The following FGF14 variants were observed in gnomAD, a reference collection of about 807,000 sequenced individuals.
FGF14 encodes fibroblast growth factor homologous factor 4.
In FGF14, 5 loss-of-function variants were observed where a neutral mutation model predicts 25.5. That is an observed-to-expected ratio of 0.20 (90% CI 0.10 to 0.41). The LOEUF is 0.41. FGF14 is among the 10% of genes least tolerant of loss of function. FGF14 has a pLI of 1.00. For synonymous variants in FGF14, 138 were observed against 118.3 expected (o/e 1.17, Z -1.08); for missense variants, 222 against 320.1 (o/e 0.69, Z 2.34).
intron 1 of FGF14, among the ~76,000 whole-genome samples, chr13:102,000,131 C>T (rs561531200): frequency 1.4e-4 from 21 of 151,940 alleles, no homozygotes; most frequent in Non-Finnish European, 2.8e-4. Context: ...CTGGCTAACA[C>T]GGTAAAACCC....
intron 1 of FGF14, among the ~76,000 whole-genome samples, chr13:102,358,675 C>A (rs963052421): frequency 2.0e-5 from 3 of 152,114 alleles, no homozygotes; most frequent in African/African-American, 7.2e-5. Flanking sequence ...CTGCATGGAC[C>A]ACAAAATACG....
chr13:101,963,156 G>A (rs2036970707), intron 1 of FGF14, among the ~76,000 whole-genome samples: 1 of 152,200 alleles, frequency 6.6e-6, no homozygotes, highest in African/African-American at 2.4e-5. Flanking sequence ...AAATACTTAA[G>A]GAGAGAATGA....
intron 1 of FGF14, chr13:102,394,434 C>G (rs530626283): frequency 6.6e-6 from 1 of 152,492 alleles, no homozygotes; most frequent in Non-Finnish European, 1.5e-5. Context: ...GCGAAGATCT[C>G]TGCCAGGGCA....
At chr13:102,273,849 G>A (rs983494250) in intron 1 of FGF14, among the ~76,000 whole-genome samples, 1 of 150,954 alleles carries the variant, frequency 6.6e-6, no homozygotes, top group African/African-American at 2.4e-5. Context: ...TGAGGTGGGA[G>A]AATTGCTTGA....
intron 1 of FGF14, among the ~76,000 whole-genome samples, chr13:102,238,668 A>C (rs576977088): frequency 1.3e-5 from 2 of 152,368 alleles, no homozygotes; most frequent in African/African-American, 4.8e-5. Flanking sequence ...GATTCAAAGT[A>C]TAGACAGTGA....
chr13:101,830,645 G>GAAA (rs1366685788), intron 3 of FGF14, among the ~76,000 whole-genome samples: 6 of 151,890 alleles, frequency 4.0e-5, no homozygotes, highest in Non-Finnish European at 5.9e-5. Context: ...TAATTTTTAG[G>GAAA]AAATTTCTAA....
rs774805942 is a variant in FGF14 at position 101,714,422 on chromosome 13, G to C, written c.*8409C>G. On this transcript the variant is annotated 3_prime_UTR_variant, in exon 5 of 5. Transcript: ENST00000376143. ...AGTTATAAGGTGATGGTGAGTAATAGCCTTTGTAATTTCAGGTTCTTGTCA... is the reference window on the plus strand; with the variant it reads ...AGTTATAAGGTGATGGTGAGTAATACCCTTTGTAATTTCAGGTTCTTGTCA... 9.2e-6 allele frequency: 13 copies of C among 1,420,750 alleles called. 1 individual carries two copies. In the South Asian group the frequency reaches 1.5e-4, roughly 16 times the overall value. The allele number at this position is 1,420,750 out of a possible 1,614,324, so 88.0% of individuals were successfully genotyped here.
intron 1 of FGF14, among the ~76,000 whole-genome samples, chr13:102,275,361 A>T (rs1394915027): frequency 1.3e-5 from 2 of 151,988 alleles, no homozygotes; most frequent in African/African-American, 2.4e-5. Flanking sequence ...CAAAAATATT[A>T]TCTAATGAAG....
rs2034920249 is a variant in FGF14, at chr13:101,720,743, T to TA, written c.*2087dup. On this transcript the variant is annotated 3_prime_UTR_variant, in exon 5 of 5. Coordinates refer to ENST00000376143, the MANE Select transcript of FGF14 (RefSeq NM_004115.4). ...TCTAATATATTTTAACTGTTCCTGT[T>TA]AAAAACAATAGGCTTCAAGATGACA... The TA allele has an allele frequency of 6.8e-6, 1 of 147,188 alleles. No homozygotes were observed. The highest frequency in any genetic ancestry group is 2.1e-4 in the South Asian group (1 of 4,830). The allele number at this position is 147,188 out of a possible 1,614,324, so 9.1% of individuals were successfully genotyped here.
At chr13:101,984,695 G>C (rs2038463784) in intron 1 of FGF14, among the ~76,000 whole-genome samples, 1 of 152,072 alleles carries the variant, frequency 6.6e-6, no homozygotes, top group African/African-American at 2.4e-5. Flanking sequence ...GCCTATTTAG[G>C]AGGCAGGTAG....
chr13:102,019,717 A>C (rs2040533795), intron 1 of FGF14, among the ~76,000 whole-genome samples: 1 of 152,196 alleles, frequency 6.6e-6, no homozygotes. Context: ...ATCTGTAATT[A>C]AATTCTCTTC....
At chr13:101,925,622 A>G (rs1398725720) in intron 1 of FGF14, among the ~76,000 whole-genome samples, 1 of 152,356 alleles carries the variant, frequency 6.6e-6, no homozygotes, top group Non-Finnish European at 1.5e-5. Context: ...ATAATTTTAA[A>G]TTAATGCCTT....
rs368563394 is a variant in FGF14, at chr13:102,211,313, C to T, written c.208+190158G>A. 2.1e-3 allele frequency among the ~76,000 whole-genome samples: 317 copies of T among 151,938 alleles called. 2 individuals are homozygous for T. The highest frequency in any genetic ancestry group is 7.3e-3 in the African/African-American group (301 of 41,416). ...TAATAATAATATGTGTGTGATTTAC[C>T]CCACTCTTATCTAAGAAAACATTTT... On this transcript the variant is annotated intron_variant, in intron 1 of 4. Transcript: ENST00000376131.
chr13:101,831,602 A>T lies in FGF14; in HGVS notation c.408+37123T>A, dbSNP rs76025536. Reference sequence around the variant, plus strand: ...GAAAGTGAATTTCCCCAGGAGAGACAAAATGGCTTTGTTGTCTCAAGAATT... The same window carrying T: ...GAAAGTGAATTTCCCCAGGAGAGACTAAATGGCTTTGTTGTCTCAAGAATT... On this transcript the variant is annotated intron_variant, in intron 3 of 4. Coordinates refer to ENST00000376143, the MANE Select transcript of FGF14 (RefSeq NM_004115.4). 2.4e-3 allele frequency among the ~76,000 whole-genome samples: 364 copies of T among 152,222 alleles called. 1 individual carries two copies. Among genetic ancestry groups the T allele is most frequent in the African/African-American group, 8.2e-3 (341 of 41,558 alleles).
At chr13:102,020,615 CAA>C (rs1332275363) in intron 1 of FGF14, among the ~76,000 whole-genome samples, 1 of 151,864 alleles carries the variant, frequency 6.6e-6, no homozygotes, top group Non-Finnish European at 1.5e-5. Flanking sequence ...AAATGTCAGA[CAA>C]AGAGTGGAAA....
intron 1 of FGF14, among the ~76,000 whole-genome samples, chr13:101,986,231 TA>T (rs2038571389): frequency 6.6e-6 from 1 of 152,140 alleles, no homozygotes; most frequent in African/African-American, 2.4e-5. Context: ...GGATTTTCCA[TA>T]ACACCAGTAG....
intron 3 of FGF14, among the ~76,000 whole-genome samples, chr13:101,791,005 G>A (rs530022981): frequency 6.6e-6 from 1 of 152,298 alleles, no homozygotes; most frequent in South Asian, 2.1e-4. Context: ...GTCAGATGAA[G>A]TAAAGAATTT....
At position 101,805,470 on chromosome 13, in the gene FGF14, G is replaced by T. The variant is rs930391484; in HGVS notation, c.408+63255C>A. Among the ~76,000 whole-genome samples, 11 of 152,206 alleles carry T rather than the reference G, an allele frequency of 7.2e-5. No homozygotes were observed. The East Asian group carries it at 2.1e-3, about 29-fold the overall frequency. ...GTGTTTCTGAGCTTCTCCCAGGTAAGAAATATAAACATTTTATCCAATGTC... is the reference window on the plus strand; with the variant it reads ...GTGTTTCTGAGCTTCTCCCAGGTAATAAATATAAACATTTTATCCAATGTC... On this transcript the variant is annotated intron_variant, in intron 3 of 4. Coordinates refer to ENST00000376143, the MANE Select transcript of FGF14 (RefSeq NM_004115.4).
chr13:102,108,326 G>A (rs1188029723), intron 1 of FGF14, among the ~76,000 whole-genome samples: 2 of 152,122 alleles, frequency 1.3e-5, no homozygotes, highest in Non-Finnish European at 2.9e-5. Context: ...TTACTTCTCA[G>A]TGATTTTCCC....
Sources: allele counts gnomAD v4.1 joint callset (sites outside exome capture counted in the v4.1 genomes callset), GRCh38; gene constraint gnomAD v4.1.1; transcripts MANE v1.5; gene names NCBI Gene and HGNC (gene_info 2026-07-23, HGNC 2026-07-21).